ANKRD13C: variants seen among roughly 807,000 people sequenced by gnomAD.
ANKRD13C encodes ankyrin repeat domain-containing protein 13C.
ANKRD13C carries 16 observed loss-of-function variants against 65.5 expected under a neutral mutation model. The ratio of observed to expected loss-of-function variants is 0.24; its 90% CI spans 0.17 to 0.37. The LOEUF (loss-of-function observed/expected upper bound fraction) is 0.37, where lower values mean the gene tolerates loss of function less well. ANKRD13C is among the 10% of genes least tolerant of loss of function. The pLI is 1.00. For missense variants in ANKRD13C, 503 were observed against 655.9 expected (o/e 0.77, Z 2.55); for synonymous variants, 235 against 238.7 (o/e 0.98, Z 0.14).
chr1:70,289,423 G>A (rs1679759556), intron 9 of ANKRD13C, among the ~76,000 whole-genome samples: 1 of 151,730 alleles, frequency 6.6e-6, no homozygotes, highest in African/African-American at 2.4e-5. Flanking sequence ...ATTCTATAAA[G>A]TCTTATTTCC....
chr1:70,296,144 GA>G lies in ANKRD13C; in HGVS notation c.1038del (p.Arg347GlyfsTer8). 6.2e-7 allele frequency: 1 copy of G among 1,613,336 alleles called. No homozygotes were observed. Among genetic ancestry groups the G allele is most frequent in the South Asian group, 1.1e-5 (1 of 90,904 alleles). ...SFTRAQTGWLFREDKTERVGN... is the reference protein window; with the variant it reads ...SFTRAQTGWLXREDKTERVGN... ...TTTGCACATACTGTTTTATCTTCCC[GA>G]AAAAGCCATCCTGTCTGGGCACGCG... On this transcript the variant is annotated frameshift_variant, in exon 8 of 13. Coordinates refer to ENST00000370944, the MANE Select transcript of ANKRD13C (RefSeq NM_030816.5). LOFTEE classifies it high-confidence loss of function.
rs981156079 is a variant in ANKRD13C at position 70,259,320 on chromosome 1, G to C, written c.*3397C>G. On this transcript the variant is annotated 3_prime_UTR_variant, in exon 13 of 13. Transcript: ENST00000370944. ...CACCGCAAAACATGATGAAAACCAA[G>C]AATGATTAACAAGCACCTTTCTTAG... is the stretch of plus-strand genomic sequence containing the variant. Among the ~76,000 whole-genome samples, 1 of 152,180 alleles carries C rather than the reference G, an allele frequency of 6.6e-6. No homozygotes were observed. The highest frequency in any genetic ancestry group is 2.4e-5 in the African/African-American group (1 of 41,450).
At position 70,271,461 on chromosome 1, in the gene ANKRD13C, T is replaced by G. The variant is rs190114917; in HGVS notation, c.1395-505A>C. ...TCTTTCATCTTTTGGTTGGATGGATTTCTTTTTTAAGTAGTAGCATTTTTC... is the reference window on the plus strand; with the variant it reads ...TCTTTCATCTTTTGGTTGGATGGATGTCTTTTTTAAGTAGTAGCATTTTTC... On this transcript the variant is annotated intron_variant, in intron 11 of 12. Transcript: ENST00000370944. 1.8e-4 allele frequency among the ~76,000 whole-genome samples: 28 copies of G among 152,322 alleles called. No homozygotes were observed. The East Asian group carries it at 5.4e-3, about 29-fold the overall frequency.
chr1:70,313,858 G>A, intron 4 of ANKRD13C, 68 bp from the exon 5 acceptor site: 1 of 1,164,588 alleles, frequency 8.6e-7, no homozygotes, highest in East Asian at 2.4e-5. Flanking sequence ...TTAAAAATAT[G>A]GCTATTCCTT....
Position 70,354,209 on chromosome 1 carries a change from G to A in ANKRD13C, c.200C>T (p.Pro67Leu), listed in dbSNP as rs1211014213. 2 of 1,613,698 alleles carry A rather than the reference G, an allele frequency of 1.2e-6. No homozygotes were observed. The highest frequency in any genetic ancestry group is 1.7e-6 in the Non-Finnish European group (2 of 1,180,026). The part of the protein sequence containing the change: ...HHHRLQLKAA[P>L]ASSNPPGAPA... Reference sequence around the variant, plus strand: ...GGCGCCGGGGGGATTGGAGGAGGCCGGAGCTGCCTTCAGCTGTAGCCGGTG... The same window carrying A: ...GGCGCCGGGGGGATTGGAGGAGGCCAGAGCTGCCTTCAGCTGTAGCCGGTG... The change falls in exon 1 of 13, where the codon CCG (proline) becomes CTG (leucine). Residue 67 changes from proline to leucine, a missense_variant. Transcript: ENST00000370944.
At chr1:70,344,295 C>CAAAAAAAAAAAAAAAAAA (rs1169730172) in intron 1 of ANKRD13C, among the ~76,000 whole-genome samples, 1 of 85,656 alleles carries the variant, frequency 1.2e-5, no homozygotes, top group Non-Finnish European at 2.4e-5. Flanking sequence ...GATTCCATCT[C>CAAAAAAAAAAAAAAAAAA]AAAAAAAAAA....
At chr1:70,272,102 A>G (rs990349164) in intron 11 of ANKRD13C, among the ~76,000 whole-genome samples, 3 of 151,578 alleles carry the variant, frequency 2.0e-5, no homozygotes, top group African/African-American at 7.3e-5. Flanking sequence ...TCATCTCAGA[A>G]AGATCTGCTT....
Position 70,297,285 on chromosome 1 carries a change from T to TG in ANKRD13C, c.922-1025dup, listed in dbSNP as rs1327222433. On this transcript the variant is annotated intron_variant, in intron 7 of 12. Coordinates refer to ENST00000370944, the MANE Select transcript of ANKRD13C (RefSeq NM_030816.5). ...CTTTAACCTACATAGAGTCCCTTTC[T>TG]GATTTTTTTTTTTTTTTTTTTTTTT... is the stretch of plus-strand genomic sequence containing the variant. Among the ~76,000 whole-genome samples the TG allele has an allele frequency of 3.8e-3, 542 of 144,324 alleles. 21 individuals are homozygous for TG. Among genetic ancestry groups the TG allele is most frequent in the African/African-American group, 0.013 (494 of 39,010 alleles). 94.7% of individuals were successfully genotyped at this position (144,324 alleles called of 152,430 possible). A position where few individuals can be genotyped will look rare whatever the true frequency, so the allele number is the denominator to read the frequency against.
intron 1 of ANKRD13C, among the ~76,000 whole-genome samples, chr1:70,339,471 A>C (rs1386531624): frequency 6.6e-6 from 1 of 151,732 alleles, no homozygotes; most frequent in Non-Finnish European, 1.5e-5. Flanking sequence ...GGTGCCCACC[A>C]ACATACCCGG....
rs866039927 is a variant in ANKRD13C at position 70,268,305 on chromosome 1, G to T, written c.1495+2551C>A. On this transcript the variant is annotated intron_variant, in intron 12 of 12. Transcript: ENST00000370944. ...CTGCCTCAGCCTCCTGAGTAGCTGG[G>T]ATTACAGGTACCCGCCACCACACCT... Among the ~76,000 whole-genome samples the T allele has an allele frequency of 2.6e-5, 4 of 151,984 alleles. No homozygotes were observed. The South Asian group carries it at 8.3e-4, about 32-fold the overall frequency.
chr1:70,351,063 A>G (rs1195265417), intron 1 of ANKRD13C, among the ~76,000 whole-genome samples: 1 of 152,228 alleles, frequency 6.6e-6, no homozygotes, highest in Non-Finnish European at 1.5e-5. Flanking sequence ...CAGGAGGCTG[A>G]GGCAGAAGCA....
intron 9 of ANKRD13C, 96 bp downstream of exon 9, chr1:70,292,292 G>T (rs1383272718): frequency 1.4e-5 from 12 of 847,130 alleles, no homozygotes; most frequent in Non-Finnish European, 2.0e-5. Context: ...AATAAAAGCT[G>T]TGAGTACATT....
intron 1 of ANKRD13C, among the ~76,000 whole-genome samples, chr1:70,345,630 CTG>C (rs1192952009): frequency 1.3e-5 from 2 of 152,154 alleles, no homozygotes; most frequent in African/African-American, 4.8e-5. Flanking sequence ...ACATATTTCA[CTG>C]TACAATAGCA....
At chr1:70,291,094 G>A (rs1022534383) in intron 9 of ANKRD13C, among the ~76,000 whole-genome samples, 6 of 151,644 alleles carry the variant, frequency 4.0e-5, no homozygotes, top group African/African-American at 4.8e-5. Flanking sequence ...GCACAATGGC[G>A]CAATCTCAGC....
At position 70,328,545 on chromosome 1, in the gene ANKRD13C, C is replaced by T. The variant is rs1681647947; in HGVS notation, c.473-3588G>A. Among the ~76,000 whole-genome samples, 3 of 152,116 alleles carry T rather than the reference C, an allele frequency of 2.0e-5. No homozygotes were observed. The South Asian group carries it at 6.2e-4, about 32-fold the overall frequency. ...AGGTGTGGTGGCACATGCCTGTAAT[C>T]CCAGCTACTTGGAGGCTGAGTCAGA... On this transcript the variant is annotated intron_variant, in intron 2 of 12. Coordinates refer to ENST00000370944, the MANE Select transcript of ANKRD13C (RefSeq NM_030816.5).
chr1:70,351,906 A>G (rs1682757252), intron 1 of ANKRD13C, among the ~76,000 whole-genome samples: 1 of 152,174 alleles, frequency 6.6e-6, no homozygotes, highest in Non-Finnish European at 1.5e-5. Context: ...AGGACACCTC[A>G]CTGTAGGAGA....
intron 2 of ANKRD13C, among the ~76,000 whole-genome samples, chr1:70,332,243 G>A (rs1362554989): frequency 6.6e-6 from 1 of 152,114 alleles, no homozygotes; most frequent in Non-Finnish European, 1.5e-5. Context: ...TCCAACACAT[G>A]CCCCAACTTG....
intron 1 of ANKRD13C, among the ~76,000 whole-genome samples, chr1:70,351,502 C>T (rs1221098090): frequency 1.3e-5 from 2 of 152,118 alleles, no homozygotes; most frequent in African/African-American, 2.4e-5. Flanking sequence ...CAGGTTCAAG[C>T]GATCCTCCTG....
chr1:70,321,741 T>C (rs575509903), intron 3 of ANKRD13C, among the ~76,000 whole-genome samples: 1 of 152,358 alleles, frequency 6.6e-6, no homozygotes, highest in East Asian at 1.9e-4. Context: ...AGGTAACCAC[T>C]GTAAGGCAGA....
Sources: gnomAD v4.1 joint callset for allele counts (sites outside exome capture counted in the v4.1 genomes callset) on GRCh38, gnomAD v4.1.1 for gene constraint, MANE v1.5 for transcripts, NCBI Gene and HGNC (gene_info 2026-07-23, HGNC 2026-07-21) for gene names.